The following SLC4A10 variants were observed in gnomAD, a reference collection of about 807,000 sequenced individuals.
SLC4A10 encodes the protein sodium-driven chloride bicarbonate exchanger.
SLC4A10 carries 42 observed loss-of-function variants against 137.7 expected under a neutral mutation model. That is an observed-to-expected ratio of 0.30 (90% CI 0.24 to 0.39). The LOEUF (loss-of-function observed/expected upper bound fraction) is 0.39. Among genes scored for constraint, SLC4A10 ranks in the 10% least tolerant of loss-of-function variants. SLC4A10 has a pLI of 1.00. For synonymous variants in SLC4A10, 474 were observed against 464.1 expected (o/e 1.02, Z -0.27); for missense variants, 925 against 1,355.0 (o/e 0.68, Z 4.98).
At chr2:161,749,488 T>C (rs1475495278) in intron 1 of SLC4A10, among the ~76,000 whole-genome samples, 1 of 152,004 alleles carries the variant, frequency 6.6e-6, no homozygotes, top group African/African-American at 2.4e-5. Flanking sequence ...TTGTCAAATA[T>C]TTTGTCTGTA....
chr2:161,816,184 A>G (rs546410862), intron 3 of SLC4A10, among the ~76,000 whole-genome samples: 36 of 152,312 alleles, frequency 2.4e-4, no homozygotes, highest in Admixed American at 7.2e-4. Flanking sequence ...TGCTGAAGGC[A>G]TTAAAGAAAA....
intron 3 of SLC4A10, among the ~76,000 whole-genome samples, chr2:161,826,881 A>G (rs2058051476): frequency 6.6e-6 from 1 of 152,186 alleles, no homozygotes; most frequent in Non-Finnish European, 1.5e-5. Flanking sequence ...CTCTTAACAC[A>G]GTTCTCATTG....
At chr2:161,681,594 C>T (rs962660968) in intron 1 of SLC4A10, among the ~76,000 whole-genome samples, 12 of 152,226 alleles carry the variant, frequency 7.9e-5, no homozygotes, top group African/African-American at 1.4e-4. Context: ...CAAGTTCCTC[C>T]GCTTTATAGG....
intron 1 of SLC4A10, among the ~76,000 whole-genome samples, chr2:161,763,557 G>A (rs1275783681): frequency 2.0e-5 from 3 of 152,202 alleles, no homozygotes; most frequent in African/African-American, 7.2e-5. Flanking sequence ...AAAGGAATGA[G>A]GTGTGGGAGC....
intron 10 of SLC4A10, among the ~76,000 whole-genome samples, chr2:161,887,576 T>C (rs772913809): frequency 6.6e-6 from 1 of 152,206 alleles, no homozygotes; most frequent in Non-Finnish European, 1.5e-5. Flanking sequence ...ATGAGCTTTT[T>C]TTCATGTTTC....
intron 1 of SLC4A10, among the ~76,000 whole-genome samples, chr2:161,676,255 C>T (rs752652905): frequency 2.0e-5 from 3 of 152,230 alleles, no homozygotes; most frequent in Admixed American, 6.5e-5. Context: ...GTAGCCCTTA[C>T]AATATAGCAT....
chr2:161,963,484 A>C (rs1378974201), intron 21 of SLC4A10, among the ~76,000 whole-genome samples: 2 of 152,202 alleles, frequency 1.3e-5, no homozygotes, highest in Admixed American at 6.5e-5. Context: ...TTATTAACAA[A>C]ATTTATTTAG....
intron 2 of SLC4A10, among the ~76,000 whole-genome samples, chr2:161,788,860 G>T (rs1182712104): frequency 6.6e-6 from 1 of 152,148 alleles, no homozygotes; most frequent in Non-Finnish European, 1.5e-5. Flanking sequence ...AAGAGTGCTG[G>T]AAAGGCTGTC....
chr2:161,921,896 C>T (rs1252439091), intron 15 of SLC4A10, among the ~76,000 whole-genome samples: 1 of 152,054 alleles, frequency 6.6e-6, no homozygotes, highest in African/African-American at 2.4e-5. Flanking sequence ...CTATGTATCT[C>T]CAGTAGGACT....
intron 1 of SLC4A10, among the ~76,000 whole-genome samples, chr2:161,730,058 A>C (rs948973631): frequency 6.6e-6 from 1 of 152,236 alleles, no homozygotes; most frequent in African/African-American, 2.4e-5. Flanking sequence ...AAGAGGAAAG[A>C]GTGAAAAGAG....
chr2:161,887,142 T>A (rs1368854633), intron 10 of SLC4A10, among the ~76,000 whole-genome samples: 1 of 152,220 alleles, frequency 6.6e-6, no homozygotes, highest in Non-Finnish European at 1.5e-5. Flanking sequence ...TATGGCTGCA[T>A]ACTATTCCGT....
intron 1 of SLC4A10, among the ~76,000 whole-genome samples, chr2:161,747,190 G>A (rs1294786623): frequency 2.0e-5 from 3 of 152,104 alleles, no homozygotes; most frequent in African/African-American, 7.2e-5. Context: ...GGAGCCCAAA[G>A]CACATTAGCC....
intron 1 of SLC4A10, among the ~76,000 whole-genome samples, chr2:161,743,424 A>G (rs571134371): frequency 6.6e-5 from 10 of 152,214 alleles, no homozygotes; most frequent in African/African-American, 2.2e-4. Context: ...AAATGAGTTC[A>G]CTGTAGATGT....
chr2:161,816,166 C>A (rs2057037573), intron 3 of SLC4A10, among the ~76,000 whole-genome samples: 1 of 152,120 alleles, frequency 6.6e-6, no homozygotes, highest in Non-Finnish European at 1.5e-5. Context: ...GAATATATGA[C>A]ATTTCCATGC....
chr2:161,912,131 G>C (rs1686003939), intron 15 of SLC4A10, among the ~76,000 whole-genome samples: 1 of 152,066 alleles, frequency 6.6e-6, no homozygotes, highest in African/African-American at 2.4e-5. Context: ...TACCTACAGA[G>C]AGCTAAGGGA....
intron 1 of SLC4A10, among the ~76,000 whole-genome samples, chr2:161,642,079 A>G (rs1279079279): frequency 6.6e-6 from 1 of 151,978 alleles, no homozygotes; most frequent in Non-Finnish European, 1.5e-5. Context: ...AGTATTCCTA[A>G]CCTTTCACCT....
At chr2:161,772,386 A>G (rs2051735851) in intron 2 of SLC4A10, among the ~76,000 whole-genome samples, 3 of 149,982 alleles carry the variant, frequency 2.0e-5, no homozygotes, top group Non-Finnish European at 4.4e-5. Context: ...GCCTAGAAAT[A>G]TACTCAATTC....
intron 1 of SLC4A10, among the ~76,000 whole-genome samples, chr2:161,718,717 A>T (rs2045247639): frequency 6.6e-6 from 1 of 152,080 alleles, no homozygotes. Flanking sequence ...ACTTCCACTT[A>T]TGTGATCAGT....
intron 1 of SLC4A10, among the ~76,000 whole-genome samples, chr2:161,746,947 G>T (rs941346893): frequency 6.6e-5 from 10 of 152,100 alleles, no homozygotes; most frequent in Non-Finnish European, 1.2e-4. Context: ...AGCTGAGCTG[G>T]TATCGCAGTT....
Sources: gnomAD v4.1 joint callset for allele counts (sites outside exome capture counted in the v4.1 genomes callset) on GRCh38, gnomAD v4.1.1 for gene constraint, MANE v1.5 for transcripts, NCBI Gene and HGNC (gene_info 2026-07-23, HGNC 2026-07-21) for gene names.